RANBP2: variants seen among roughly 807,000 people sequenced by gnomAD.
The protein encoded by RANBP2 is RAN binding protein 2.
RANBP2 carries 57 observed loss-of-function variants against 303.6 expected under a neutral mutation model. The observed-to-expected ratio is 0.19, with a 90% CI of 0.15 to 0.23. The LOEUF is 0.23. Ranked by LOEUF, RANBP2 falls within the 10% of genes least tolerant of loss-of-function variation. The pLI is 1.00. For synonymous variants in RANBP2, 1,167 were observed against 1,301.5 expected, an observed-to-expected ratio of 0.90 and a Z score of 2.23; for missense variants, 3,138 against 3,780.8, an observed-to-expected ratio of 0.83 and a Z score of 4.46.
chr2:109,176,398 T>G, the RANBP2 span, among the ~76,000 whole-genome samples: 2 of 152,182 alleles, frequency 1.3e-5, no homozygotes, highest in Non-Finnish European at 2.9e-5. Context: ...TGGAATGCTG[T>G]GTTTTTAGGA....
the RANBP2 span, among the ~76,000 whole-genome samples, chr2:108,934,197 T>C: frequency 6.6e-6 from 1 of 152,118 alleles, no homozygotes; most frequent in South Asian, 2.1e-4. Flanking sequence ...TGGCCTTAGA[T>C]GTGTTTCATT....
At chr2:109,464,410 T>C in the RANBP2 span, among the ~76,000 whole-genome samples, 1 of 152,164 alleles carries the variant, frequency 6.6e-6, no homozygotes, top group Non-Finnish European at 1.5e-5. Flanking sequence ...AAAATACACA[T>C]ACAAACATGA....
At chr2:108,777,457 C>T (rs978520493) in intron 25 of RANBP2, among the ~76,000 whole-genome samples, 17 of 152,080 alleles carry the variant, frequency 1.1e-4, no homozygotes, top group African/African-American at 4.1e-4. Flanking sequence ...ATAGTCCTCC[C>T]CATTCTGAAA....
intron 1 of RANBP2, among the ~76,000 whole-genome samples, chr2:108,723,683 G>A (rs1304374122): frequency 6.6e-6 from 1 of 152,144 alleles, no homozygotes; most frequent in Non-Finnish European, 1.5e-5. Context: ...TTGTTTAAAT[G>A]AATATTTAAC....
chr2:109,701,132 T>C, the RANBP2 span, among the ~76,000 whole-genome samples: 6 of 152,076 alleles, frequency 3.9e-5, no homozygotes, highest in Non-Finnish European at 7.4e-5. Context: ...TGTCCCCTTG[T>C]GCAGAGGCAG....
chr2:109,033,992 T>C, the RANBP2 span, among the ~76,000 whole-genome samples: 2 of 139,888 alleles, frequency 1.4e-5, no homozygotes, highest in Non-Finnish European at 3.1e-5. Context: ...GCCAGGTGTG[T>C]TGGCTGACGC....
chr2:109,129,612 G>GGACAGGCCAGGCGAGCGACGGC, the RANBP2 span: 2 of 1,485,494 alleles, frequency 1.3e-6, no homozygotes, highest in Non-Finnish European at 1.8e-6. Flanking sequence ...AGGGCGACGA[G>GGACAGGCCAGGCGAGCGACGGC]GACAGGCCAG....
the RANBP2 span, among the ~76,000 whole-genome samples, chr2:109,495,581 C>T: frequency 7.6e-5 from 11 of 144,546 alleles, no homozygotes; most frequent in African/African-American, 2.9e-4. Context: ...CTCCGCCTCC[C>T]AGATTTAAGC....
the RANBP2 span, among the ~76,000 whole-genome samples, chr2:109,718,455 G>A: frequency 3.9e-5 from 6 of 152,170 alleles, no homozygotes. Context: ...AGTGAAAGAA[G>A]CCAGTCACAA....
At chr2:109,457,762 G>A in the RANBP2 span, among the ~76,000 whole-genome samples, 3 of 152,012 alleles carry the variant, frequency 2.0e-5, no homozygotes, top group East Asian at 1.9e-4. Context: ...TTTTCCAGCC[G>A]TCCATGCCCA....
the RANBP2 span, among the ~76,000 whole-genome samples, chr2:108,921,877 T>G: frequency 6.6e-6 from 1 of 152,276 alleles, no homozygotes; most frequent in East Asian, 1.9e-4. Flanking sequence ...GGACTGTCTA[T>G]TTCTCTGCTG....
chr2:109,596,796 T>TA, the RANBP2 span, among the ~76,000 whole-genome samples: 2 of 152,192 alleles, frequency 1.3e-5, no homozygotes, highest in East Asian at 3.8e-4. Context: ...TCTCAGTGGA[T>TA]AAATGTTTTG....
At chr2:108,808,362 G>A in the RANBP2 span, among the ~76,000 whole-genome samples, 3 of 152,252 alleles carry the variant, frequency 2.0e-5, no homozygotes, top group East Asian at 5.8e-4. Context: ...TTTCTCTCCT[G>A]TGAATATATA....
chr2:109,515,250 A>G, the RANBP2 span, among the ~76,000 whole-genome samples: 77,150 of 151,980 alleles, frequency 0.51, 20,206 homozygotes, highest in Middle Eastern at 0.69. Flanking sequence ...AGCTTGGCAC[A>G]CCCCTTGACG....
the RANBP2 span, among the ~76,000 whole-genome samples, chr2:109,612,391 T>C: frequency 6.6e-6 from 1 of 152,288 alleles, no homozygotes; most frequent in East Asian, 1.9e-4. Flanking sequence ...CTTCACTGTA[T>C]CAATCAATGA....
At chr2:108,799,376 A>T in the RANBP2 span, among the ~76,000 whole-genome samples, 8 of 152,150 alleles carry the variant, frequency 5.3e-5, no homozygotes, top group Non-Finnish European at 7.3e-5. Flanking sequence ...AAATGCATTC[A>T]GTTTTGTAAT....
the RANBP2 span, among the ~76,000 whole-genome samples, chr2:109,592,419 T>C: frequency 5.6e-3 from 815 of 145,554 alleles, 3 homozygotes; most frequent in Non-Finnish European, 8.9e-3. Flanking sequence ...AAGCTGAGAT[T>C]GCACCATCGC....
the RANBP2 span, among the ~76,000 whole-genome samples, chr2:108,816,379 A>T: frequency 1.3e-5 from 2 of 152,174 alleles, no homozygotes; most frequent in South Asian, 4.2e-4. Context: ...TGAATCTGGG[A>T]GGTGGAGGTT....
At chr2:109,530,875 G>A in the RANBP2 span, among the ~76,000 whole-genome samples, 79 of 152,146 alleles carry the variant, frequency 5.2e-4, no homozygotes, top group African/African-American at 1.8e-3. Flanking sequence ...GCAGTTCCTG[G>A]AGTGGCCACT....
Sources: gnomAD v4.1 joint callset for allele counts (sites outside exome capture counted in the v4.1 genomes callset) on GRCh38, gnomAD v4.1.1 for gene constraint, MANE v1.5 for transcripts, NCBI Gene and HGNC (gene_info 2026-07-23, HGNC 2026-07-21) for gene names.